The following OR4N2 variants were observed in gnomAD, a reference collection of about 807,000 sequenced individuals.
OR4N2 encodes the protein olfactory receptor family 4 subfamily N member 2.
For missense variants in OR4N2, 307 were observed against 377.6 expected (o/e 0.81, Z 1.55); for synonymous variants, 141 against 140.4 (o/e 1.00, Z -0.03).
intron 1 of OR4N2, among the ~76,000 whole-genome samples, chr14:19,826,589 A>G (rs1348628761): frequency 1.3e-5 from 2 of 152,288 alleles, no homozygotes; most frequent in Non-Finnish European, 2.9e-5. Flanking sequence ...TTATGAGTTG[A>G]GATAATGATA....
intron 1 of OR4N2, among the ~76,000 whole-genome samples, chr14:19,804,412 C>T (rs1816193258): frequency 6.6e-6 from 1 of 152,076 alleles, no homozygotes; most frequent in African/African-American, 2.4e-5. Flanking sequence ...TGTTTGTTCT[C>T]ATTAGTTTCA....
intron 1 of OR4N2, among the ~76,000 whole-genome samples, chr14:19,806,765 C>T (rs1257337756): frequency 1.3e-5 from 2 of 152,156 alleles, no homozygotes; most frequent in African/African-American, 4.8e-5. Context: ...TATTCATTCT[C>T]ATCTGCACAT....
chr14:19,807,804 T>A (rs1879201521), intron 1 of OR4N2, among the ~76,000 whole-genome samples: 2 of 152,156 alleles, frequency 1.3e-5, no homozygotes, highest in South Asian at 4.1e-4. Context: ...CAGGCCAATA[T>A]CCCTGATGAA....
intron 1 of OR4N2, among the ~76,000 whole-genome samples, chr14:19,817,322 G>T (rs2138471942): frequency 6.6e-6 from 1 of 152,348 alleles, no homozygotes; most frequent in East Asian, 1.9e-4. Flanking sequence ...GTCTGGTCCT[G>T]GACTTTTTTT....
At chr14:19,820,683 G>A (rs1879543108) in intron 1 of OR4N2, among the ~76,000 whole-genome samples, 1 of 152,228 alleles carries the variant, frequency 6.6e-6, no homozygotes, top group South Asian at 2.1e-4. Flanking sequence ...CTGGGTTGTG[G>A]GGGGCTCTGC....
intron 1 of OR4N2, among the ~76,000 whole-genome samples, chr14:19,816,012 C>T (rs1188471638): frequency 9.9e-5 from 15 of 152,222 alleles, no homozygotes; most frequent in East Asian, 7.7e-4. Flanking sequence ...TGGTTGTAGA[C>T]GTGTGGCATT....
chr14:19,815,954 G>A (rs1023995666), intron 1 of OR4N2, among the ~76,000 whole-genome samples: 17 of 152,300 alleles, frequency 1.1e-4, no homozygotes, highest in African/African-American at 4.1e-4. Flanking sequence ...ATTAAATAGG[G>A]AATCCTTTTC....
chr14:19,820,535 C>T (rs1201420939), intron 1 of OR4N2, among the ~76,000 whole-genome samples: 2 of 152,234 alleles, frequency 1.3e-5, no homozygotes, highest in Non-Finnish European at 2.9e-5. Context: ...CCACAGCCGC[C>T]CTTCCCCCCA....
chr14:19,808,529 AC>A (rs1384729617), intron 1 of OR4N2, among the ~76,000 whole-genome samples: 19 of 151,574 alleles, frequency 1.3e-4, no homozygotes, highest in Non-Finnish European at 1.5e-5. Context: ...TAACCAGAAA[AC>A]TCTACAAAAT....
At chr14:19,812,856 A>G (rs749873074) in intron 1 of OR4N2, among the ~76,000 whole-genome samples, 3 of 152,244 alleles carry the variant, frequency 2.0e-5, no homozygotes, top group Non-Finnish European at 4.4e-5. Flanking sequence ...AAATGAATAA[A>G]TTCAGAGACA....
Position 19,827,823 on chromosome 14 carries a change from C to T in OR4N2, c.375C>T (p.Ala125=). The T allele has an allele frequency of 6.2e-7, 1 of 1,614,250 alleles. No homozygotes were observed. Among genetic ancestry groups the T allele is most frequent in the Non-Finnish European group, 8.5e-7 (1 of 1,180,044 alleles). ...LVVMAFDRYI[A]ICRPLHYPTV... ...TGATGGCCTTTGACCGCTACATCGC[C>T]ATCTGCCGGCCTCTGCACTATCCTA... The change falls in exon 2 of 2, where the codon GCC becomes GCT. Residue 125 remains alanine, a synonymous_variant. Coordinates refer to ENST00000557677, the MANE Select transcript of OR4N2 (RefSeq NM_001004723.3).
intron 1 of OR4N2, among the ~76,000 whole-genome samples, chr14:19,808,602 T>C (rs1312184819): frequency 6.6e-6 from 1 of 152,192 alleles, no homozygotes; most frequent in Non-Finnish European, 1.5e-5. Flanking sequence ...AAAAATTCCA[T>C]ACTAATAGAT....
chr14:19,812,667 CT>C (rs1458591063), intron 1 of OR4N2, among the ~76,000 whole-genome samples: 1 of 152,146 alleles, frequency 6.6e-6, no homozygotes, highest in Non-Finnish European at 1.5e-5. Context: ...CATTTTTTGA[CT>C]TTTTAATAAT....
intron 1 of OR4N2, among the ~76,000 whole-genome samples, chr14:19,808,993 A>G (rs1419733307): frequency 2.0e-5 from 3 of 152,204 alleles, no homozygotes; most frequent in Non-Finnish European, 4.4e-5. Context: ...GCTCTTCAAC[A>G]AGGCTGACAG....
At chr14:19,827,369 T>C in intron 1 of OR4N2, 71 bp from the exon 2 acceptor site, 1 of 1,349,444 alleles carries the variant, frequency 7.4e-7, no homozygotes, top group Non-Finnish European at 1.0e-6. Context: ...AAATATTTTT[T>C]AGCTGTATAA....
At chr14:19,822,785 A>C (rs1879598855) in intron 1 of OR4N2, among the ~76,000 whole-genome samples, 1 of 152,254 alleles carries the variant, frequency 6.6e-6, no homozygotes, top group East Asian at 1.9e-4. Context: ...TCATCACCTC[A>C]TTTGATCCTC....
chr14:19,808,812 C>G (rs1194975889), intron 1 of OR4N2, among the ~76,000 whole-genome samples: 1 of 141,582 alleles, frequency 7.1e-6, no homozygotes, highest in African/African-American at 2.5e-5. Context: ...ACTCTGTAAC[C>G]CAGAAATATT....
intron 1 of OR4N2, among the ~76,000 whole-genome samples, chr14:19,824,026 T>C (rs568820632): frequency 6.6e-6 from 1 of 152,334 alleles, no homozygotes; most frequent in Admixed American, 6.5e-5. Flanking sequence ...CCTATTTCTG[T>C]AGTGTGTCAT....
At chr14:19,812,349 CA>C (rs1489023996) in intron 1 of OR4N2, among the ~76,000 whole-genome samples, 7 of 93,246 alleles carry the variant, frequency 7.5e-5, no homozygotes. Context: ...TTTTTTGAGA[CA>C]GAGTCTCGCT....
Sources: gnomAD v4.1 joint callset for allele counts (sites outside exome capture counted in the v4.1 genomes callset) on GRCh38, gnomAD v4.1.1 for gene constraint, MANE v1.5 for transcripts, NCBI Gene and HGNC (gene_info 2026-07-23, HGNC 2026-07-21) for gene names.